Variants in PUM2 observed in about 807,000 individuals in gnomAD.
PUM2 encodes pumilio homolog 2.
A neutral mutation model predicts 124.5 loss-of-function variants in PUM2; 57 were observed. That is an observed-to-expected ratio of 0.46 (90% CI 0.37 to 0.57). PUM2 has a LOEUF of 0.57. PUM2 is among the 20% of genes least tolerant of loss of function. PUM2 has a pLI of 0.00. For synonymous variants in PUM2, 460 were observed against 446.1 expected (o/e 1.03, Z -0.39); for missense variants, 1,065 against 1,290.6 (o/e 0.83, Z 2.68).
At chr2:20,323,694 C>T (rs1300438954) in intron 2 of PUM2, among the ~76,000 whole-genome samples, 1 of 151,972 alleles carries the variant, frequency 6.6e-6, no homozygotes, top group Non-Finnish European at 1.5e-5. Flanking sequence ...TTAGGAAGAA[C>T]AGTTTACTAC....
rs1360213405 is a variant in PUM2, at chr2:20,294,521, A to G, written c.1010-3T>C. The G allele has an allele frequency of 1.9e-6, 3 of 1,607,572 alleles. No homozygotes were observed. The highest frequency in any genetic ancestry group is 1.7e-6 in the Non-Finnish European group (2 of 1,176,566). ...CTGAGGTGGAACCACTGCTGGACCT[A>G]AACCCCACACCCGACCCCCGAATAA... On this transcript the variant is annotated splice_polypyrimidine_tract_variant and splice_region_variant and intron_variant, in intron 8 of 20. Coordinates refer to ENST00000361078, the MANE Select transcript of PUM2 (RefSeq NM_015317.5).
chr2:20,263,877 T>C (rs934460378), intron 13 of PUM2, among the ~76,000 whole-genome samples: 1 of 152,266 alleles, frequency 6.6e-6, no homozygotes, highest in African/African-American at 2.4e-5. Context: ...CACAATAACA[T>C]TGAATGTTAA....
intron 20 of PUM2, among the ~76,000 whole-genome samples, 161 bp from the exon 21 acceptor site, chr2:20,251,877 A>G (rs1241241363): frequency 6.6e-6 from 1 of 152,232 alleles, no homozygotes; most frequent in Non-Finnish European, 1.5e-5. Flanking sequence ...TGATCTGCTC[A>G]ATCCCTCCAA....
chr2:20,297,709 AACAATGTAAAGTATG>A, intron 7 of PUM2, 31 bp from the exon 8 acceptor site: 1 of 1,598,794 alleles, frequency 6.3e-7, no homozygotes, highest in Non-Finnish European at 8.5e-7. Flanking sequence ...AATAATAAAC[AACAATGTAAAGTATG>A]ATTTTTTTCA....
chr2:20,330,275 T>G (rs530188624), intron 1 of PUM2, among the ~76,000 whole-genome samples: 1 of 152,210 alleles, frequency 6.6e-6, no homozygotes, highest in Admixed American at 6.5e-5. Context: ...GTAAAACGTA[T>G]TTTTGGCCTT....
chr2:20,287,310 T>C (rs1672973622), intron 10 of PUM2, among the ~76,000 whole-genome samples: 1 of 152,166 alleles, frequency 6.6e-6, no homozygotes, highest in East Asian at 1.9e-4. Flanking sequence ...GCAAGTAATA[T>C]ACCAAAGAGA....
At chr2:20,350,967 G>A (rs2149218522), upstream of PUM2, 4 of 179,978 alleles carry the variant, frequency 2.2e-5, no homozygotes, top group Non-Finnish European at 4.3e-5. Flanking sequence ...GCGCGGGCCG[G>A]GGGCGCCCTG....
rs866275128 is a variant in PUM2 at position 20,255,051 on chromosome 2, T to C, written c.2749-67A>G. 6.5e-6 allele frequency: 10 copies of C among 1,539,966 alleles called. No homozygotes were observed. In the South Asian group the frequency reaches 1.2e-4, roughly 18 times the overall value. On this transcript the variant is annotated intron_variant, in intron 18 of 20. Coordinates refer to ENST00000361078, the MANE Select transcript of PUM2 (RefSeq NM_015317.5). ...TTAAGAATGATATTCTTTAAAGACA[T>C]GTTAATCATTTCATCTAAAAATCCA...
rs200294801 is a variant in PUM2, at chr2:20,261,394, C to CAAAAAAAAAAAAAAAAAAAAAAAAAA, written c.2226-954_2226-929dup. Among the ~76,000 whole-genome samples, 8 of 76,786 alleles carry CAAAAAAAAAAAAAAAAAAAAAAAAAA rather than the reference C, an allele frequency of 1.0e-4. 2 individuals carry two copies. Among genetic ancestry groups the CAAAAAAAAAAAAAAAAAAAAAAAAAA allele is most frequent in the African/African-American group, 1.1e-4 (2 of 17,448 alleles). The allele number at this position is 76,786 out of a possible 152,430, so 50.4% of individuals were successfully genotyped here. Reference sequence around the variant, plus strand: ...AAGCGACAGAGTGAGACTCTGTCTCCAAAAAAAAAAAAAAAAAAAAAAAAA... The same window carrying CAAAAAAAAAAAAAAAAAAAAAAAAAA: ...AAGCGACAGAGTGAGACTCTGTCTCCAAAAAAAAAAAAAAAAAAAAAAAAAAAAAAAAAAAAAAAAAAAAAAAAAAA... On this transcript the variant is annotated intron_variant, in intron 14 of 20. Transcript: ENST00000361078.
Position 20,318,635 on chromosome 2 carries a change from G to T in PUM2, c.62C>A (p.Thr21Asn). ...ATCATCAGGTTCCCAAAACTTTTTG[G>T]TAGGCAAAAGCTATTTGGAGGAAAA... ...ESRGMGELLP[T>N]KKFWEPDDST... The change falls in exon 3 of 21, where the codon ACC becomes AAC. Residue 21 changes from threonine to asparagine, a missense_variant. Coordinates refer to ENST00000361078, the MANE Select transcript of PUM2 (RefSeq NM_015317.5). 6.2e-7 allele frequency: 1 copy of T among 1,611,398 alleles called. No individual in the cohort carries two copies. Among genetic ancestry groups the T allele is most frequent in the East Asian group, 2.2e-5 (1 of 44,852 alleles).
At chr2:20,331,274 C>G (rs1425951075) in intron 1 of PUM2, among the ~76,000 whole-genome samples, 1 of 43,354 alleles carries the variant, frequency 2.3e-5, no homozygotes, top group Non-Finnish European at 4.3e-5. Context: ...ACTGTATGTG[C>G]TCAGTTACTA....
chr2:20,271,125 C>T (rs746078849), intron 13 of PUM2, among the ~76,000 whole-genome samples: 1 of 151,876 alleles, frequency 6.6e-6, no homozygotes, highest in Non-Finnish European at 1.5e-5. Flanking sequence ...CAGAGGCTGG[C>T]TTCAATATTG....
At chr2:20,259,930 C>T (rs1183911799) in intron 15 of PUM2, among the ~76,000 whole-genome samples, 1 of 152,192 alleles carries the variant, frequency 6.6e-6, no homozygotes, top group African/African-American at 2.4e-5. Flanking sequence ...ATATCCTCAT[C>T]CACATTTGTT....
At position 20,263,201 on chromosome 2, in the gene PUM2, A is replaced by G. The variant is rs1189106763; in HGVS notation, c.2217T>C (p.His739=). 1.9e-6 allele frequency: 3 copies of G among 1,596,520 alleles called. No individual in the cohort carries two copies. The highest frequency in any genetic ancestry group is 2.2e-5 in the South Asian group (2 of 90,726). The change falls in exon 14 of 21, where the codon CAT becomes CAC. Residue 739 remains histidine (H), a synonymous_variant. Transcript: ENST00000361078. ...GHIVEFSQDQ[H]GSRFIQQKLE... ...ATATCATAATCACCTACCTAGAACC[A>G]TGCTGGTCTTGAGAAAACTCAACTA... is the stretch of plus-strand genomic sequence containing the variant.
intron 5 of PUM2, among the ~76,000 whole-genome samples, chr2:20,309,652 G>C (rs1291203204): frequency 6.6e-6 from 1 of 152,076 alleles, no homozygotes; most frequent in Admixed American, 6.6e-5. Context: ...TTATTGTTCA[G>C]AGTAACTATG....
rs1296413506 is a variant in PUM2, at chr2:20,350,625, C to T, written c.-47G>A. On this transcript the variant is annotated 5_prime_UTR_variant, in exon 1 of 21. Coordinates refer to ENST00000361078, the MANE Select transcript of PUM2 (RefSeq NM_015317.5). ...GCTGCTGCGGCCGCGCTGCCTCAGC[C>T]GGGGACACCGACCGTTGGGCACACG... The T allele has an allele frequency of 4.1e-6, 4 of 985,328 alleles. No individual in the cohort carries two copies. Among genetic ancestry groups the T allele is most frequent in the Non-Finnish European group, 3.6e-6 (3 of 830,018 alleles). The allele number at this position is 985,328 out of a possible 1,614,324, so 61.0% of individuals were successfully genotyped here. A position where few individuals can be genotyped will look rare whatever the true frequency, so the allele number is the denominator to read the frequency against.
intron 13 of PUM2, among the ~76,000 whole-genome samples, chr2:20,271,058 C>T (rs1668902250): frequency 6.6e-6 from 1 of 151,956 alleles, no homozygotes; most frequent in African/African-American, 2.4e-5. Context: ...TCTGTATTTA[C>T]CACAAAGCTA....
At chr2:20,297,819 G>A in intron 7 of PUM2, 141 bp from the exon 8 acceptor site, 2 of 781,828 alleles carry the variant, frequency 2.6e-6, no homozygotes, top group African/African-American at 1.8e-5. Flanking sequence ...TTTTTACTAA[G>A]TGACCTTGGG....
chr2:20,286,047 G>C (rs1351557572), intron 10 of PUM2, among the ~76,000 whole-genome samples: 1 of 152,156 alleles, frequency 6.6e-6, no homozygotes, highest in African/African-American at 2.4e-5. Flanking sequence ...GAGTAAGACA[G>C]GCAACAAGGG....
Sources: allele counts gnomAD v4.1 joint callset (sites outside exome capture counted in the v4.1 genomes callset), GRCh38; gene constraint gnomAD v4.1.1; transcripts MANE v1.5; gene names NCBI Gene and HGNC (gene_info 2026-07-23, HGNC 2026-07-21).